Variants in LRP1B observed in about 807,000 individuals in gnomAD.
LRP1B encodes the protein LDL receptor related protein 1B.
Under a neutral mutation model 556.6 loss-of-function variants are expected in LRP1B, and 217 were observed. The observed-to-expected ratio is 0.39, with a 90% CI of 0.35 to 0.44. LRP1B has a LOEUF of 0.44. Among genes scored for constraint, LRP1B ranks in the 20% least tolerant of loss-of-function variants. LRP1B has a pLI of 1.00. For synonymous variants in LRP1B, 2,047 were observed against 1,865.8 expected, an observed-to-expected ratio of 1.10 and a Z score of -2.50; for missense variants, 5,053 against 5,620.8, an observed-to-expected ratio of 0.90 and a Z score of 3.23.
chr2:141,029,923 A>T (rs1020124664), intron 11 of LRP1B, among the ~76,000 whole-genome samples: 1 of 152,136 alleles, frequency 6.6e-6, no homozygotes, highest in African/African-American at 2.4e-5. Flanking sequence ...TATCTACTAG[A>T]TTCCAGTAGC....
At chr2:140,877,951 C>A (rs1200773764) in intron 25 of LRP1B, among the ~76,000 whole-genome samples, 1 of 152,152 alleles carries the variant, frequency 6.6e-6, no homozygotes, top group Non-Finnish European at 1.5e-5. Flanking sequence ...GGTTCACAGA[C>A]AGCTTTAGTT....
intron 13 of LRP1B, among the ~76,000 whole-genome samples, chr2:141,014,144 A>G (rs1194628925): frequency 6.6e-6 from 1 of 152,096 alleles, no homozygotes; most frequent in African/African-American, 2.4e-5. Context: ...AATCATGTGT[A>G]TTACAAAATT....
At chr2:141,551,294 T>A (rs1321217487) in intron 2 of LRP1B, among the ~76,000 whole-genome samples, 1 of 151,880 alleles carries the variant, frequency 6.6e-6, no homozygotes, top group Non-Finnish European at 1.5e-5. Flanking sequence ...TGCTTTTTTT[T>A]AATGTATTTT....
chr2:141,749,094 A>G (rs922336635), intron 2 of LRP1B, among the ~76,000 whole-genome samples: 9 of 152,210 alleles, frequency 5.9e-5, no homozygotes, highest in African/African-American at 1.9e-4. Context: ...TTTATTTTAC[A>G]TGAAACAAAA....
At chr2:140,493,268 T>C (rs1688780379) in intron 56 of LRP1B, among the ~76,000 whole-genome samples, 1 of 152,166 alleles carries the variant, frequency 6.6e-6, no homozygotes, top group South Asian at 2.1e-4. Context: ...AATGCTTTAA[T>C]AGTCTTTATT....
intron 82 of LRP1B, 133 bp from the exon 83 acceptor site, chr2:140,315,232 A>C (rs1684469865): frequency 5.3e-6 from 3 of 569,370 alleles, no homozygotes; most frequent in Non-Finnish European, 8.7e-6. Context: ...GTACAAAAGA[A>C]GAAAAAATTA....
At chr2:140,577,040 A>T (rs925269452) in intron 43 of LRP1B, among the ~76,000 whole-genome samples, 19 of 139,446 alleles carry the variant, frequency 1.4e-4, no homozygotes, top group African/African-American at 5.2e-4. Context: ...TGGACAAAAG[A>T]TGTTGCATAC....
At chr2:141,648,543 T>C (rs1689666331) in intron 2 of LRP1B, among the ~76,000 whole-genome samples, 1 of 152,178 alleles carries the variant, frequency 6.6e-6, no homozygotes, top group African/African-American at 2.4e-5. Context: ...ATTGGCATCT[T>C]ATTTCTTTGT....
intron 56 of LRP1B, among the ~76,000 whole-genome samples, chr2:140,495,031 T>G (rs1688856921): frequency 6.6e-6 from 1 of 152,140 alleles, no homozygotes; most frequent in Non-Finnish European, 1.5e-5. Flanking sequence ...TTATTAAATG[T>G]ATAATTTACA....
chr2:141,934,263 G>A (rs1198030053), intron 1 of LRP1B, among the ~76,000 whole-genome samples: 1 of 151,982 alleles, frequency 6.6e-6, no homozygotes, highest in Non-Finnish European at 1.5e-5. Context: ...ACAGAGAAAA[G>A]TTAAGAGCAA....
At chr2:141,712,706 G>T (rs1183668646) in intron 2 of LRP1B, among the ~76,000 whole-genome samples, 1 of 151,816 alleles carries the variant, frequency 6.6e-6, no homozygotes, top group Non-Finnish European at 1.5e-5. Context: ...TTTCACTCTT[G>T]TTGCCCCGGC....
At chr2:141,809,738 TTCTA>T (rs3039192) in intron 2 of LRP1B, among the ~76,000 whole-genome samples, 67,495 of 151,130 alleles carry the variant, frequency 0.45, 15,973 homozygotes, top group African/African-American at 0.61. Flanking sequence ...TGGATAAAGT[TTCTA>T]TCTATCTTTC....
At chr2:140,239,594 C>G (rs2104885265) in intron 87 of LRP1B, 62 bp from the exon 88 acceptor site, 1 of 1,077,912 alleles carries the variant, frequency 9.3e-7, no homozygotes, top group South Asian at 1.4e-5. Flanking sequence ...ATTGATAAAA[C>G]TAAGTACTTT....
At chr2:142,121,562 C>G (rs865851419) in intron 1 of LRP1B, among the ~76,000 whole-genome samples, 33 of 152,162 alleles carry the variant, frequency 2.2e-4, no homozygotes, top group Middle Eastern at 3.2e-3. Flanking sequence ...AGAGCTTGTC[C>G]CCTCTCGTCA....
intron 35 of LRP1B, among the ~76,000 whole-genome samples, chr2:140,757,155 T>A (rs1688767757): frequency 6.6e-6 from 1 of 152,138 alleles, no homozygotes; most frequent in Admixed American, 6.5e-5. Flanking sequence ...TCATAACAAG[T>A]CTTGGAGACA....
chr2:141,162,777 TC>T (rs1558903054), intron 7 of LRP1B, among the ~76,000 whole-genome samples: 6 of 152,134 alleles, frequency 3.9e-5, no homozygotes, highest in African/African-American at 1.2e-4. Context: ...AGATAGTTTA[TC>T]AGTGAAGTTC....
At chr2:141,265,669 T>G (rs1316741476) in intron 3 of LRP1B, among the ~76,000 whole-genome samples, 1 of 152,204 alleles carries the variant, frequency 6.6e-6, no homozygotes, top group Non-Finnish European at 1.5e-5. Context: ...AATAAAGCCT[T>G]TCCCTTATTC....
chr2:141,064,802 T>A (rs1197487039), intron 7 of LRP1B, among the ~76,000 whole-genome samples: 2 of 151,950 alleles, frequency 1.3e-5, no homozygotes, highest in East Asian at 1.9e-4. Context: ...TGTATTACAA[T>A]TGGTAAACAC....
intron 2 of LRP1B, among the ~76,000 whole-genome samples, chr2:141,729,915 G>C (rs139403023): frequency 1.2e-3 from 179 of 152,212 alleles, no homozygotes; most frequent in African/African-American, 4.2e-3. Context: ...GCAAAGAGCT[G>C]AATGGGCCCA....
Sources: gnomAD v4.1 joint callset for allele counts (sites outside exome capture counted in the v4.1 genomes callset) on GRCh38, gnomAD v4.1.1 for gene constraint, MANE v1.5 for transcripts, NCBI Gene and HGNC (gene_info 2026-07-23, HGNC 2026-07-21) for gene names.